LRRC7: variants seen among roughly 807,000 people sequenced by gnomAD.
LRRC7 encodes leucine-rich repeat-containing protein 7.
A neutral mutation model predicts 175.7 loss-of-function variants in LRRC7; 23 were observed. The observed-to-expected ratio is 0.13, with a 90% CI of 0.09 to 0.19. The LOEUF (loss-of-function observed/expected upper bound fraction) is 0.19, where lower values mean the gene tolerates loss of function less well. LRRC7 is among the 10% of genes least tolerant of loss of function. LRRC7 has a pLI of 1.00. For missense variants in LRRC7, 1,354 were observed against 1,904.7 expected, an observed-to-expected ratio of 0.71 and a Z score of 5.38; for synonymous variants, 685 against 680.9, an observed-to-expected ratio of 1.01 and a Z score of -0.09.
At chr1:69,831,868 A>G (rs143880708) in intron 5 of LRRC7, among the ~76,000 whole-genome samples, 3 of 152,262 alleles carry the variant, frequency 2.0e-5, no homozygotes, top group African/African-American at 7.2e-5. Flanking sequence ...AGGTCTTCAA[A>G]TAATGTTGTT....
At chr1:70,074,203 C>CA (rs571185317) in intron 23 of LRRC7, among the ~76,000 whole-genome samples, 12,066 of 104,454 alleles carry the variant, frequency 0.12, 621 homozygotes, top group South Asian at 0.23. Flanking sequence ...ACTCCATTGC[C>CA]AAAAAAAAAA....
chr1:69,765,817 T>G (rs2000090), intron 3 of LRRC7, among the ~76,000 whole-genome samples: 150,088 of 152,158 alleles, frequency 0.99, 74,053 homozygotes, highest in East Asian at 1. Context: ...TTTCAGACAT[T>G]CTATCTAGAC....
chr1:69,801,939 T>A (rs76311989), intron 4 of LRRC7, among the ~76,000 whole-genome samples: 1 of 151,174 alleles, frequency 6.6e-6, no homozygotes, highest in Admixed American at 6.6e-5. Context: ...CATTTCAAAA[T>A]TTTTTTTTCT....
intron 2 of LRRC7, among the ~76,000 whole-genome samples, chr1:69,717,828 A>G (rs1277275655): frequency 1.6e-4 from 9 of 55,302 alleles, no homozygotes; most frequent in Non-Finnish European, 2.1e-4. Context: ...GAAAGAAAGA[A>G]AGAAAGAAAG....
intron 1 of LRRC7, among the ~76,000 whole-genome samples, chr1:69,616,302 C>T (rs1481338749): frequency 3.3e-5 from 5 of 151,922 alleles, no homozygotes; most frequent in Admixed American, 1.3e-4. Flanking sequence ...CTAACTTTTG[C>T]ACTTACATTT....
intron 2 of LRRC7, chr1:69,716,184 A>G: frequency 2.1e-6 from 1 of 475,916 alleles, no homozygotes; most frequent in Non-Finnish European, 3.8e-6. Flanking sequence ...AGTGGTCACA[A>G]CCTAGAAGTC....
intron 1 of LRRC7, among the ~76,000 whole-genome samples, chr1:69,654,044 A>G (rs1656242278): frequency 6.6e-6 from 1 of 152,044 alleles, no homozygotes; most frequent in South Asian, 2.1e-4. Flanking sequence ...CTGTACAACA[A>G]TGTGTATATA....
In LRRC7 at chr1:69,799,195, T is replaced by C. The variant is rs546144670; in HGVS notation, c.421+7035T>C. ...TGGGATGCCATTTGTCATAAAGAAGTTGCCAATTTATTTTTAAATTTTATT... is the reference window on the plus strand; with the variant it reads ...TGGGATGCCATTTGTCATAAAGAAGCTGCCAATTTATTTTTAAATTTTATT... On this transcript the variant is annotated intron_variant, in intron 4 of 26. Transcript: ENST00000651989. 2.0e-5 allele frequency among the ~76,000 whole-genome samples: 3 copies of C among 151,936 alleles called. No individual in the cohort carries two copies. In the East Asian group the frequency reaches 5.8e-4, roughly 29 times the overall value.
At position 69,825,812 on chromosome 1, in the gene LRRC7, C is replaced by T. The variant is rs767568771; in HGVS notation, c.486C>T (p.Val162=). Residue 162 remains valine, a synonymous_variant, in exon 5 of 27, where the codon GTC becomes GTT. Coordinates refer to ENST00000651989, the MANE Select transcript of LRRC7 (RefSeq NM_001370785.2). ...GTTTAACAATTATTGAAGCCAGTGT[C>T]AATCCCATTTCTAAGTGAGTATGAG... ...CKCLTIIEAS[V]NPISKLPDGF... 1 of 1,599,910 alleles carries T rather than the reference C, an allele frequency of 6.3e-7. No homozygotes were observed. Among genetic ancestry groups the T allele is most frequent in the Non-Finnish European group, 8.5e-7 (1 of 1,171,264 alleles).
chr1:70,096,033 A>C (rs1664365721), intron 25 of LRRC7, among the ~76,000 whole-genome samples: 1 of 151,588 alleles, frequency 6.6e-6, no homozygotes, highest in Admixed American at 6.6e-5. Flanking sequence ...GCTGGAGTGC[A>C]GTGATGTGAT....
chr1:69,782,026 G>A (rs1172005286), intron 3 of LRRC7, among the ~76,000 whole-genome samples: 1 of 152,060 alleles, frequency 6.6e-6, no homozygotes, highest in Non-Finnish European at 1.5e-5. Flanking sequence ...TCTTAGCTCT[G>A]GCACTTGCTA....
intron 11 of LRRC7, among the ~76,000 whole-genome samples, chr1:69,995,645 T>C (rs1442597149): frequency 2.7e-5 from 4 of 150,240 alleles, no homozygotes; most frequent in Non-Finnish European, 5.9e-5. Context: ...TGAGTGAGAA[T>C]ATGCGGTGTT....
intron 26 of LRRC7, among the ~76,000 whole-genome samples, chr1:70,115,047 G>C (rs1665759483): frequency 6.6e-6 from 1 of 152,152 alleles, no homozygotes; most frequent in Non-Finnish European, 1.5e-5. Context: ...CAAGCAGAGA[G>C]AGACTCTTTA....
chr1:70,012,662 C>G (rs12088269), intron 12 of LRRC7, among the ~76,000 whole-genome samples: 10,715 of 151,496 alleles, frequency 0.071, 803 homozygotes, highest in African/African-American at 0.19. Context: ...TATATTAGTA[C>G]TCACTTCGAC....
chr1:69,704,281 A>T (rs954881003), intron 2 of LRRC7, among the ~76,000 whole-genome samples: 19 of 151,948 alleles, frequency 1.3e-4, no homozygotes, highest in Admixed American at 9.8e-4. Context: ...ATTATAACAA[A>T]ATAAAATGTC....
In LRRC7 at chr1:69,956,328, T is replaced by C. The variant is rs546555535; in HGVS notation, c.712-24051T>C. 2.0e-5 allele frequency among the ~76,000 whole-genome samples: 3 copies of C among 152,010 alleles called. No individual in the cohort carries two copies. In the South Asian group the frequency reaches 6.2e-4, roughly 31 times the overall value. Reference sequence around the variant, plus strand: ...ATAGTAATATTGAGTTTCCCTCTTCTCCACACCCACACTCATATATCCCAT... The same window carrying C: ...ATAGTAATATTGAGTTTCCCTCTTCCCCACACCCACACTCATATATCCCAT... On this transcript the variant is annotated intron_variant, in intron 8 of 26. Transcript: ENST00000651989.
At chr1:69,610,233 T>C (rs1196886278) in intron 1 of LRRC7, among the ~76,000 whole-genome samples, 1 of 152,084 alleles carries the variant, frequency 6.6e-6, no homozygotes, top group African/African-American at 2.4e-5. Flanking sequence ...TCCTTCACTG[T>C]AGTGTTCAAC....
At chr1:70,064,656 T>A (rs1661835210) in intron 23 of LRRC7, among the ~76,000 whole-genome samples, 1 of 151,830 alleles carries the variant, frequency 6.6e-6, no homozygotes, top group South Asian at 2.1e-4. Context: ...TTGTTGTTGT[T>A]GTTGTTGTTG....
chr1:69,702,043 G>A (rs1663420956), intron 2 of LRRC7, among the ~76,000 whole-genome samples: 2 of 152,016 alleles, frequency 1.3e-5, no homozygotes, highest in Admixed American at 6.6e-5. Flanking sequence ...CGAAAACAAG[G>A]CATTGTGTTT....
Sources: allele counts gnomAD v4.1 joint callset (sites outside exome capture counted in the v4.1 genomes callset), GRCh38; gene constraint gnomAD v4.1.1; transcripts MANE v1.5; gene names NCBI Gene and HGNC (gene_info 2026-07-23, HGNC 2026-07-21).